HIVEP1: variants seen among roughly 807,000 people sequenced by gnomAD.
HIVEP1 encodes the protein HIVEP zinc finger 1.
HIVEP1 carries 36 observed loss-of-function variants against 180.0 expected under a neutral mutation model. That is an observed-to-expected ratio of 0.20 (90% CI 0.15 to 0.26). HIVEP1 has a LOEUF of 0.26. HIVEP1 is among the 10% of genes least tolerant of loss of function. The pLI, the probability that HIVEP1 is intolerant of heterozygous loss-of-function variation, is 1.00. For synonymous variants in HIVEP1, 1,239 were observed against 1,239.0 expected, an observed-to-expected ratio of 1.00 and a Z score of 0.00; for missense variants, 3,143 against 3,268.7, an observed-to-expected ratio of 0.96 and a Z score of 0.94.
At chr6:12,207,742 A>AAATAATAATAATAATAATAATTATAAT in the HIVEP1 span, among the ~76,000 whole-genome samples, 1 of 138,176 alleles carries the variant, frequency 7.2e-6, no homozygotes, top group Non-Finnish European at 1.5e-5. Flanking sequence ...AGTCTCTACA[A>AAATAATAATAATAATAATAATTATAAT]AATAATAATA....
Position 12,083,750 on chromosome 6 carries a change from T to G in HIVEP1, c.41-5434T>G, listed in dbSNP as rs535476362. 2.7e-4 allele frequency among the ~76,000 whole-genome samples: 41 copies of G among 152,312 alleles called. No homozygotes were observed. The South Asian group carries it at 8.3e-3, about 31-fold the overall frequency. On this transcript the variant is annotated intron_variant, in intron 2 of 8. Transcript: ENST00000379388. ...GGTTTTTTGAAACATTAAAGATAGA[T>G]ACGATTTAATCAAGTACATTTGGGA...
chr6:12,093,182 G>A (rs2113351657), intron 3 of HIVEP1, among the ~76,000 whole-genome samples: 1 of 152,188 alleles, frequency 6.6e-6, no homozygotes, highest in South Asian at 2.1e-4. Context: ...TGTCAAACAT[G>A]TCTTCATTTG....
chr6:12,008,290 G>GAGAAATATTATT (rs1478364349), upstream of HIVEP1: 3 of 152,218 alleles, frequency 2.0e-5, no homozygotes, highest in African/African-American at 7.2e-5. Context: ...CTGCAGGACT[G>GAGAAATATTATT]TCTCAGAAGG....
chr6:12,021,307 C>T (rs886134349), intron 2 of HIVEP1, among the ~76,000 whole-genome samples: 1 of 152,200 alleles, frequency 6.6e-6, no homozygotes, highest in African/African-American at 2.4e-5. Flanking sequence ...TGTGCATAGC[C>T]ATTTGCCATT....
chr6:12,104,425 C>T (rs866863694), intron 3 of HIVEP1, among the ~76,000 whole-genome samples: 215 of 72,790 alleles, frequency 3.0e-3, no homozygotes, highest in South Asian at 3.7e-3. Flanking sequence ...CTTTTCTTTC[C>T]TTTTTTTTTT....
downstream of HIVEP1, among the ~76,000 whole-genome samples, chr6:12,169,931 T>C (rs1166407138): frequency 2.0e-5 from 3 of 152,116 alleles, no homozygotes; most frequent in East Asian, 1.9e-4. Context: ...CCATCCTGGC[T>C]AACACAGCGA....
At chr6:12,160,623 A>C (rs1342790270) in intron 7 of HIVEP1, among the ~76,000 whole-genome samples, 1 of 152,154 alleles carries the variant, frequency 6.6e-6, no homozygotes, top group East Asian at 1.9e-4. Context: ...AAACAAAAAC[A>C]AAAAAACAGG....
At chr6:12,032,385 G>A (rs896513699) in intron 2 of HIVEP1, among the ~76,000 whole-genome samples, 5 of 151,726 alleles carry the variant, frequency 3.3e-5, no homozygotes, top group Admixed American at 6.6e-5. Context: ...CTTGTGATCC[G>A]CCCGCCTCAG....
chr6:12,053,953 A>C (rs1442945352), intron 2 of HIVEP1, among the ~76,000 whole-genome samples: 2 of 152,202 alleles, frequency 1.3e-5, no homozygotes, highest in Non-Finnish European at 2.9e-5. Context: ...CGTACATTTG[A>C]TCCTTCTCCA....
At chr6:12,140,718 G>A (rs955178319) in intron 7 of HIVEP1, among the ~76,000 whole-genome samples, 7 of 152,146 alleles carry the variant, frequency 4.6e-5, no homozygotes, top group South Asian at 4.1e-4. Context: ...ACTACGTGAC[G>A]CATACACAAG....
intron 2 of HIVEP1, among the ~76,000 whole-genome samples, chr6:12,079,644 T>A (rs1772635157): frequency 6.6e-6 from 1 of 152,202 alleles, no homozygotes; most frequent in African/African-American, 2.4e-5. Context: ...TAGAGAACAT[T>A]GATTTGCAAG....
rs761353756 is a variant in HIVEP1, at chr6:12,122,066, T to G, written c.2271T>G (p.Ala757=). 2 of 1,614,110 alleles carry G rather than the reference T, an allele frequency of 1.2e-6. No individual in the cohort carries two copies. Among genetic ancestry groups the G allele is most frequent in the Non-Finnish European group, 1.7e-6 (2 of 1,180,006 alleles). ...RISKLISDNE[A]LVDDKQLDSV... ...CGAAGCTTATCTCAGACAATGAAGC[T>G]TTGGTAGATGACAAGCAACTGGATA... The change falls in exon 4 of 9, where the codon GCT becomes GCG. Residue 757 remains alanine (A), a synonymous_variant. Coordinates refer to ENST00000379388, the MANE Select transcript of HIVEP1 (RefSeq NM_002114.4).
At chr6:12,011,998 G>C (rs1427596483), upstream of HIVEP1, 1 of 125,926 alleles carries the variant, frequency 7.9e-6, no homozygotes, top group Non-Finnish European at 1.7e-5. Context: ...CCCGGCCCGC[G>C]TTCCTCCCGC....
intron 2 of HIVEP1, among the ~76,000 whole-genome samples, chr6:12,054,480 CACATAT>C (rs1045465688): frequency 1.4e-4 from 21 of 147,372 alleles, no homozygotes; most frequent in African/African-American, 4.4e-4. Context: ...CACATTTACA[CACATAT>C]ACATATGAAT....
At position 12,163,697 on chromosome 6, in the gene HIVEP1, C is replaced by T. The variant is rs1760557412; in HGVS notation, c.7393C>T (p.Pro2465Ser). Reference protein sequence around the residue: ...AGVAELSSVVPCIPIGQIRVP... With the variant: ...AGVAELSSVVSCIPIGQIRVP... ...AGTGGCTGAATTAAGCAGTGTTGTG[C>T]CATGTATTCCTATCGGCCAAATCCG... Residue 2465 changes from proline (P) to serine (S), a missense_variant, in exon 9 of 9, where the codon CCA (proline) becomes TCA (serine). Around this residue, in one of 12 missense-constraint regions of HIVEP1, gnomAD observed 595 missense variants for 602.2 expected, o/e 0.99. Transcript: ENST00000379388. 7 of 1,613,994 alleles carry T rather than the reference C, an allele frequency of 4.3e-6. No homozygotes were observed. The highest frequency in any genetic ancestry group is 1.7e-5 in the Admixed American group (1 of 59,990).
At chr6:12,201,092 G>A in the HIVEP1 span, among the ~76,000 whole-genome samples, 1 of 152,230 alleles carries the variant, frequency 6.6e-6, no homozygotes, top group Non-Finnish European at 1.5e-5. Flanking sequence ...AATCATGGTT[G>A]AATGATATAG....
the HIVEP1 span, among the ~76,000 whole-genome samples, chr6:12,175,815 A>C: frequency 6.6e-6 from 1 of 152,178 alleles, no homozygotes; most frequent in African/African-American, 2.4e-5. Context: ...ACAGTGTGTG[A>C]GATCTTTGTA....
chr6:12,193,517 T>C, the HIVEP1 span, among the ~76,000 whole-genome samples: 2 of 152,244 alleles, frequency 1.3e-5, no homozygotes, highest in Non-Finnish European at 2.9e-5. Flanking sequence ...TCATTAGATG[T>C]AGTCATTTAA....
At chr6:12,029,521 T>G (rs771206362) in intron 2 of HIVEP1, among the ~76,000 whole-genome samples, 1 of 152,212 alleles carries the variant, frequency 6.6e-6, no homozygotes, top group African/African-American at 2.4e-5. Context: ...CTTAATTGCC[T>G]TCTTTTGTGT....
Sources: allele counts gnomAD v4.1 joint callset (sites outside exome capture counted in the v4.1 genomes callset), GRCh38; gene constraint gnomAD v4.1.1; regional missense constraint gnomAD v4.1.1; transcripts MANE v1.5; gene names NCBI Gene and HGNC (gene_info 2026-07-23, HGNC 2026-07-21).